The following PARD3B variants were observed in gnomAD, a reference collection of about 807,000 sequenced individuals.
PARD3B encodes partitioning defective 3 homolog B.
A neutral mutation model predicts 130.2 loss-of-function variants in PARD3B; 103 were observed. The ratio of observed to expected loss-of-function variants is 0.79; its 90% CI spans 0.67 to 0.93. The LOEUF is 0.93. Among genes scored for constraint, PARD3B ranks in the 40% least tolerant of loss-of-function variants. The pLI is 0.00. For missense variants in PARD3B, 1,609 were observed against 1,499.2 expected, an observed-to-expected ratio of 1.07 and a Z score of -1.21; for synonymous variants, 583 against 553.2, an observed-to-expected ratio of 1.05 and a Z score of -0.76.
rs1575756302 is a variant in PARD3B, at chr2:205,091,388, A to T, written c.505-13038A>T. Among the ~76,000 whole-genome samples the T allele has an allele frequency of 6.6e-6, 1 of 152,122 alleles. No homozygotes were observed. The highest frequency in any genetic ancestry group is 1.9e-4 in the East Asian group (1 of 5,174). ...TATTTTCAAAGAGGCTCCAGAAAAGATCGCAGCATTGGCGACCTCTCACTT... is the reference window on the plus strand; with the variant it reads ...TATTTTCAAAGAGGCTCCAGAAAAGTTCGCAGCATTGGCGACCTCTCACTT... On this transcript the variant is annotated intron_variant, in intron 4 of 22. Transcript: ENST00000406610. This position sits in a 1 kb window ranked among gnomAD's most constrained non-coding sequence, Gnocchi z 4.2.
At chr2:204,582,502 T>TC in intron 1 of PARD3B, among the ~76,000 whole-genome samples, 1 of 88,560 alleles carries the variant, frequency 1.1e-5, no homozygotes, top group East Asian at 3.7e-4. Context: ...TAGATTGAGG[T>TC]TCCCCCCCCT....
chr2:204,547,278 A>G (rs1351964257), intron 1 of PARD3B, among the ~76,000 whole-genome samples: 1 of 152,236 alleles, frequency 6.6e-6, no homozygotes, highest in Non-Finnish European at 1.5e-5. Flanking sequence ...TATACAGAAA[A>G]AAAATTCAGC....
In PARD3B at chr2:205,011,565, T is replaced by A. The variant is rs1352309356; in HGVS notation, c.395-36016T>A. Among the ~76,000 whole-genome samples the A allele has an allele frequency of 2.0e-5, 3 of 152,196 alleles. No homozygotes were observed. Among genetic ancestry groups the A allele is most frequent in the Non-Finnish European group, 2.9e-5 (2 of 68,024 alleles). On this transcript the variant is annotated intron_variant, in intron 3 of 22. Coordinates refer to ENST00000406610, the MANE Select transcript of PARD3B (RefSeq NM_001302769.2). This position sits in a 1 kb window ranked among gnomAD's most constrained non-coding sequence, Gnocchi z 4.1. ...ATCGCACAGACCAACCTTGGTGCACTGTAGGAAGGAACTACATAGTGTAAA... is the reference window on the plus strand; with the variant it reads ...ATCGCACAGACCAACCTTGGTGCACAGTAGGAAGGAACTACATAGTGTAAA...
chr2:204,864,455 TCC>T (rs1414705700), intron 2 of PARD3B, among the ~76,000 whole-genome samples: 1 of 152,142 alleles, frequency 6.6e-6, no homozygotes, highest in African/African-American at 2.4e-5. Flanking sequence ...CCACCCAACA[TCC>T]TTTCTTGCTA....
At position 205,142,172 on chromosome 2, in the gene PARD3B, A is replaced by G. The variant is rs1402520454; in HGVS notation, c.1434+16435A>G. Among the ~76,000 whole-genome samples, 1 of 152,214 alleles carries G rather than the reference A, an allele frequency of 6.6e-6. No individual in the cohort carries two copies. The highest frequency in any genetic ancestry group is 6.5e-5 in the Admixed American group (1 of 15,274). ...TGAGAGCCACAAACAGCAGGTGACAATTAAGATGGGATTTGATAGGTAAGA... is the reference window on the plus strand; with the variant it reads ...TGAGAGCCACAAACAGCAGGTGACAGTTAAGATGGGATTTGATAGGTAAGA... On this transcript the variant is annotated intron_variant, in intron 10 of 22. Coordinates refer to ENST00000406610, the MANE Select transcript of PARD3B (RefSeq NM_001302769.2). This position sits in a 1 kb window ranked among gnomAD's most constrained non-coding sequence, Gnocchi z 4.3.
At chr2:205,437,892 A>G (rs1040161788) in intron 19 of PARD3B, among the ~76,000 whole-genome samples, 1 of 150,934 alleles carries the variant, frequency 6.6e-6, no homozygotes, top group African/African-American at 2.4e-5. Flanking sequence ...TGGTAAGGAA[A>G]CCTCTAAGTG....
intron 3 of PARD3B, among the ~76,000 whole-genome samples, chr2:204,987,004 C>T (rs1364797210): frequency 1.3e-5 from 2 of 152,234 alleles, no homozygotes; most frequent in East Asian, 1.9e-4. Context: ...AGGTACTGAA[C>T]AAACTTCCCA....
intron 4 of PARD3B, among the ~76,000 whole-genome samples, chr2:205,083,473 A>T (rs919697542): frequency 6.6e-6 from 1 of 152,034 alleles, no homozygotes; most frequent in African/African-American, 2.4e-5. Flanking sequence ...AAAAGGGCCA[A>T]TTATGGTTTT....
intron 3 of PARD3B, among the ~76,000 whole-genome samples, chr2:205,041,542 G>A (rs574015707): frequency 7.9e-5 from 12 of 151,938 alleles, no homozygotes; most frequent in East Asian, 3.9e-4. Flanking sequence ...CCTTCTCCAC[G>A]TTGCCCTTCT....
At chr2:205,372,228 T>C (rs2044848982) in intron 18 of PARD3B, among the ~76,000 whole-genome samples, 2 of 152,226 alleles carry the variant, frequency 1.3e-5, no homozygotes, top group Non-Finnish European at 2.9e-5. Flanking sequence ...TCTGAAGAAC[T>C]GCAAGACCAT....
At chr2:205,017,499 G>T (rs1269082108) in intron 3 of PARD3B, among the ~76,000 whole-genome samples, 1 of 151,938 alleles carries the variant, frequency 6.6e-6, no homozygotes, top group Non-Finnish European at 1.5e-5. Flanking sequence ...ACCATTCCCT[G>T]ACCTCAAATT....
chr2:205,205,840 T>A (rs961417446), intron 15 of PARD3B, among the ~76,000 whole-genome samples: 1 of 152,108 alleles, frequency 6.6e-6, no homozygotes, highest in Non-Finnish European at 1.5e-5. Flanking sequence ...CTGCTGGATT[T>A]GGTTTGCCAG....
chr2:205,479,888 A>G (rs2049162383), intron 20 of PARD3B, among the ~76,000 whole-genome samples: 1 of 147,008 alleles, frequency 6.8e-6, no homozygotes, highest in African/African-American at 2.5e-5. Flanking sequence ...AGCTCCAGCC[A>G]TATGCAATTT....
chr2:204,900,883 C>T (rs2046829148), intron 2 of PARD3B, among the ~76,000 whole-genome samples: 1 of 152,114 alleles, frequency 6.6e-6, no homozygotes. Flanking sequence ...TTACAGGTAC[C>T]ATCTTGGAGG....
chr2:205,050,812 G>C (rs1418040923), intron 4 of PARD3B, among the ~76,000 whole-genome samples: 1 of 151,878 alleles, frequency 6.6e-6, no homozygotes, highest in Non-Finnish European at 1.5e-5. Context: ...AAGCAAAATT[G>C]GGTATAGCAT....
At chr2:204,582,496 T>C (rs2032609827) in intron 1 of PARD3B, among the ~76,000 whole-genome samples, 1 of 92,002 alleles carries the variant, frequency 1.1e-5, no homozygotes, top group African/African-American at 2.6e-5. Flanking sequence ...TGAAAATAGA[T>C]TGAGGTTCCC....
chr2:205,501,376 A>G (rs1277239068), intron 21 of PARD3B, among the ~76,000 whole-genome samples: 1 of 152,194 alleles, frequency 6.6e-6, no homozygotes, highest in East Asian at 1.9e-4. Context: ...ACAGAATGAC[A>G]CCTAGAGTGA....
chr2:204,605,738 C>A (rs898019285), intron 1 of PARD3B, among the ~76,000 whole-genome samples: 5 of 152,116 alleles, frequency 3.3e-5, no homozygotes, highest in Non-Finnish European at 7.4e-5. Context: ...TAATGATATC[C>A]ACCTCAGTGG....
At chr2:205,489,556 A>ACGTATATATATACATATG (rs1310597407) in intron 20 of PARD3B, among the ~76,000 whole-genome samples, 1 of 113,090 alleles carries the variant, frequency 8.8e-6, no homozygotes, top group Admixed American at 1.1e-4. Context: ...ATGTATATAT[A>ACGTATATATATACATATG]TACATATATA....
Sources: allele counts gnomAD v4.1 joint callset (sites outside exome capture counted in the v4.1 genomes callset), GRCh38; gene constraint gnomAD v4.1.1; non-coding constraint Gnocchi (gnomAD v3.1); transcripts MANE v1.5; gene names NCBI Gene and HGNC (gene_info 2026-07-23, HGNC 2026-07-21).